Variants in NTM observed in about 807,000 individuals in gnomAD.
NTM encodes the protein IgLON family member 2.
Under a neutral mutation model 42.1 loss-of-function variants are expected in NTM, and 13 were observed. That is an observed-to-expected ratio of 0.31 (90% CI 0.20 to 0.49). The LOEUF (loss-of-function observed/expected upper bound fraction) is 0.49, where lower values mean the gene tolerates loss of function less well. NTM is among the 20% of genes least tolerant of loss of function. The probability of loss-of-function intolerance (pLI) is 0.99; values close to 1 mark genes in which losing one functional copy is unlikely to be tolerated. For synonymous variants in NTM, 187 were observed against 179.2 expected (o/e 1.04, Z -0.35); for missense variants, 373 against 452.8 (o/e 0.82, Z 1.60).
At chr11:131,965,798 A>T (rs1386219781) in intron 2 of NTM, among the ~76,000 whole-genome samples, 2 of 152,182 alleles carry the variant, frequency 1.3e-5, no homozygotes, top group African/African-American at 4.8e-5. Flanking sequence ...AGCTAATTGA[A>T]GGTGAGGACT....
chr11:131,864,055 G>A (rs1336097125), intron 1 of NTM, among the ~76,000 whole-genome samples: 1 of 152,102 alleles, frequency 6.6e-6, no homozygotes, highest in East Asian at 1.9e-4. Flanking sequence ...CGGGGGTCAG[G>A]GAGGAAAGGA....
intron 2 of NTM, among the ~76,000 whole-genome samples, chr11:131,946,817 A>G (rs1397669894): frequency 6.6e-6 from 1 of 152,216 alleles, no homozygotes; most frequent in East Asian, 1.9e-4. Flanking sequence ...AAGGTTCCAT[A>G]ACATATTTCA....
chr11:131,383,941 T>C (rs1304969034), intron 1 of NTM, among the ~76,000 whole-genome samples: 2 of 151,962 alleles, frequency 1.3e-5, no homozygotes. Flanking sequence ...AGGAGAGACA[T>C]GGGGGTATTC....
At chr11:131,601,217 AC>A (rs757871000) in intron 1 of NTM, among the ~76,000 whole-genome samples, 2 of 152,182 alleles carry the variant, frequency 1.3e-5, no homozygotes, top group South Asian at 4.1e-4. Context: ...CGGGGAGCAT[AC>A]AGATGGACAG....
intron 1 of NTM, among the ~76,000 whole-genome samples, chr11:131,585,474 A>G (rs2137227598): frequency 6.6e-6 from 1 of 152,286 alleles, no homozygotes. Context: ...ACCCCCCAGC[A>G]GGACTGAACT....
intron 1 of NTM, among the ~76,000 whole-genome samples, chr11:131,543,705 A>G (rs1260128685): frequency 1.3e-5 from 2 of 152,198 alleles, no homozygotes; most frequent in East Asian, 1.9e-4. Flanking sequence ...AGAGAAGCAC[A>G]GGTTCGAGCG....
intron 1 of NTM, among the ~76,000 whole-genome samples, chr11:131,791,774 AC>A (rs1320068083): frequency 2.0e-5 from 3 of 152,196 alleles, no homozygotes; most frequent in African/African-American, 7.2e-5. Flanking sequence ...AAATGAAGAG[AC>A]CCTTAGAAGA....
intron 1 of NTM, among the ~76,000 whole-genome samples, chr11:131,643,691 T>C (rs2065419652): frequency 2.0e-5 from 3 of 152,180 alleles, no homozygotes; most frequent in African/African-American, 7.2e-5. Flanking sequence ...AAATACGCAT[T>C]GACTTCCTAC....
At chr11:131,434,597 G>A (rs1948967414) in intron 1 of NTM, among the ~76,000 whole-genome samples, 1 of 152,186 alleles carries the variant, frequency 6.6e-6, no homozygotes, top group African/African-American at 2.4e-5. Context: ...CTTTTGAGAA[G>A]TGTCTGTTCA....
chr11:131,769,494 C>A, intron 1 of NTM: 2 of 353,194 alleles, frequency 5.7e-6, no homozygotes, highest in Non-Finnish European at 7.9e-6. Context: ...TCATGAGGAA[C>A]TAATTATTCT....
At chr11:131,536,009 G>A (rs1210200250) in intron 1 of NTM, 3 of 152,242 alleles carry the variant, frequency 2.0e-5, no homozygotes, top group African/African-American at 7.2e-5. Context: ...TGGGTTGGGT[G>A]GTTGGGTAGT....
intron 4 of NTM, among the ~76,000 whole-genome samples, chr11:132,213,924 C>T (rs1787860763): frequency 2.5e-5 from 2 of 78,956 alleles, no homozygotes; most frequent in Admixed American, 1.2e-4. Context: ...TTAGTAGAGA[C>T]GGGGTTTCAC....
chr11:131,541,653 G>A (rs181480675), intron 1 of NTM, among the ~76,000 whole-genome samples: 89 of 152,346 alleles, frequency 5.8e-4, no homozygotes, highest in South Asian at 5.2e-3. Flanking sequence ...GTATAAACAA[G>A]CAATGAGATC....
chr11:132,221,528 G>A (rs918928266), intron 4 of NTM, among the ~76,000 whole-genome samples: 2 of 152,118 alleles, frequency 1.3e-5, no homozygotes, highest in African/African-American at 4.8e-5. Context: ...GTGCTGGGTA[G>A]TGTAGTTCTC....
intron 7 of NTM, among the ~76,000 whole-genome samples, chr11:132,315,782 A>C (rs2095412795): frequency 6.6e-6 from 1 of 152,124 alleles, no homozygotes; most frequent in East Asian, 1.9e-4. Flanking sequence ...CACAAATAGT[A>C]AATCCCAGCT....
At chr11:131,507,732 T>TGC (rs2047675778) in intron 1 of NTM, among the ~76,000 whole-genome samples, 1 of 148,714 alleles carries the variant, frequency 6.7e-6, no homozygotes, top group Non-Finnish European at 1.5e-5. Context: ...TTTTATTTCC[T>TGC]TGAGCAGTGG....
chr11:131,484,083 A>AG (rs1191609906), intron 1 of NTM, among the ~76,000 whole-genome samples: 1 of 152,194 alleles, frequency 6.6e-6, no homozygotes, highest in Non-Finnish European at 1.5e-5. Flanking sequence ...ACTGAGTCCC[A>AG]GGGGGCACAT....
At chr11:131,904,112 GTTA>G (rs1274015486) in intron 1 of NTM, among the ~76,000 whole-genome samples, 2 of 152,158 alleles carry the variant, frequency 1.3e-5, no homozygotes, top group African/African-American at 2.4e-5. Flanking sequence ...GGACCCATAT[GTTA>G]TTATGCAAAT....
chr11:132,167,783 G>T (rs1289871342), intron 3 of NTM, among the ~76,000 whole-genome samples: 1 of 152,100 alleles, frequency 6.6e-6, no homozygotes, highest in African/African-American at 2.4e-5. Context: ...CTCTCACCAG[G>T]CCAGGTAGAG....
Sources: gnomAD v4.1 joint callset for allele counts (sites outside exome capture counted in the v4.1 genomes callset) on GRCh38, gnomAD v4.1.1 for gene constraint, MANE v1.5 for transcripts, NCBI Gene and HGNC (gene_info 2026-07-23, HGNC 2026-07-21) for gene names.